Variants in AUTS2 observed in about 807,000 individuals in gnomAD.
The protein encoded by AUTS2 is autism susceptibility gene 2 protein.
AUTS2 carries 17 observed loss-of-function variants against 112.4 expected under a neutral mutation model. That is an observed-to-expected ratio of 0.15 (90% CI 0.10 to 0.23). The LOEUF (loss-of-function observed/expected upper bound fraction) is 0.23. Among genes scored for constraint, AUTS2 ranks in the 10% least tolerant of loss-of-function variants. The pLI is 1.00. For synonymous variants in AUTS2, 751 were observed against 702.7 expected (o/e 1.07, Z -1.09); for missense variants, 1,510 against 1,701.6 (o/e 0.89, Z 1.98).
chr7:70,183,532 TG>T (rs1223585177), intron 4 of AUTS2, among the ~76,000 whole-genome samples: 5 of 152,192 alleles, frequency 3.3e-5, no homozygotes, highest in Non-Finnish European at 7.3e-5. Flanking sequence ...GGCAGTAACT[TG>T]TGCAATCAAA....
intron 2 of AUTS2, among the ~76,000 whole-genome samples, chr7:70,108,783 C>CAAAAAAAAAAAAAAAAAAAAAAAAAA (rs528009205): frequency 1.4e-5 from 1 of 69,184 alleles, no homozygotes; most frequent in African/African-American, 5.4e-5. Flanking sequence ...GCCAACATGG[C>CAAAAAAAAAAAAAAAAAAAAAAAAAA]AAAAAAAAAA....
chr7:69,701,391 C>A (rs748853001), intron 1 of AUTS2, among the ~76,000 whole-genome samples: 31 of 152,138 alleles, frequency 2.0e-4, no homozygotes, highest in Non-Finnish European at 5.9e-5. Flanking sequence ...TTCATTCAGC[C>A]AGTATTTGAG....
At chr7:70,513,604 G>C (rs750582006) in intron 5 of AUTS2, among the ~76,000 whole-genome samples, 2 of 151,634 alleles carry the variant, frequency 1.3e-5, no homozygotes, top group African/African-American at 2.4e-5. Context: ...TATTAGTCCA[G>C]ACCTAACCCC....
chr7:70,319,961 T>A (rs1325541836), intron 4 of AUTS2, among the ~76,000 whole-genome samples: 2 of 152,202 alleles, frequency 1.3e-5, no homozygotes, highest in African/African-American at 2.4e-5. Context: ...GATCAAATTG[T>A]CCTAAACTTG....
intron 4 of AUTS2, among the ~76,000 whole-genome samples, chr7:70,184,916 C>T (rs1223923053): frequency 6.6e-6 from 1 of 152,104 alleles, no homozygotes; most frequent in Non-Finnish European, 1.5e-5. Context: ...TTAATCTGTA[C>T]TTACAGCATA....
At chr7:69,783,357 A>G (rs1163811182) in intron 1 of AUTS2, among the ~76,000 whole-genome samples, 3 of 152,068 alleles carry the variant, frequency 2.0e-5, no homozygotes, top group African/African-American at 7.2e-5. Flanking sequence ...TGGTCCTTGT[A>G]ACCACATAGT....
At chr7:69,677,664 T>C (rs1043433223) in intron 1 of AUTS2, among the ~76,000 whole-genome samples, 3 of 152,240 alleles carry the variant, frequency 2.0e-5, no homozygotes, top group Admixed American at 2.0e-4. Flanking sequence ...TTGGTGTTTT[T>C]CAGATATTCT....
At chr7:69,763,717 T>C (rs1050160219) in intron 1 of AUTS2, among the ~76,000 whole-genome samples, 4 of 152,210 alleles carry the variant, frequency 2.6e-5, no homozygotes, top group African/African-American at 9.6e-5. Flanking sequence ...AGGGTGTTAG[T>C]GATATGAGTT....
In AUTS2 at chr7:70,763,266, C is replaced by T. The variant is rs1368827637; in HGVS notation, c.1139C>T (p.Ala380Val). The T allele has an allele frequency of 1.2e-6, 2 of 1,613,110 alleles. No homozygotes were observed. The change falls in exon 7 of 19, where the codon GCC becomes GTC. Residue 380 changes from alanine (A) to valine (V), a missense_variant. Transcript: ENST00000342771. ...CATCAGAACCTCCCACCTGTGCAGGCCCACCCCTCTGCTCAGAGCCTCTCC... is the reference window on the plus strand; with the variant it reads ...CATCAGAACCTCCCACCTGTGCAGGTCCACCCCTCTGCTCAGAGCCTCTCC... ...LLHQNLPPVQ[A>V]HPSAQSLSQP... is the part of the protein sequence containing the mutation.
chr7:70,223,528 GCATATA>G (rs1489633564), intron 4 of AUTS2, among the ~76,000 whole-genome samples: 1 of 152,186 alleles, frequency 6.6e-6, no homozygotes, highest in Non-Finnish European at 1.5e-5. Flanking sequence ...TAAAAGTACA[GCATATA>G]CAGTTATATA....
chr7:69,810,244 A>G (rs1047801018), intron 1 of AUTS2, among the ~76,000 whole-genome samples: 4 of 152,122 alleles, frequency 2.6e-5, no homozygotes, highest in African/African-American at 9.7e-5. Context: ...TCAAAACCCA[A>G]CTCTATGACT....
intron 4 of AUTS2, among the ~76,000 whole-genome samples, chr7:70,377,204 G>A (rs1793127276): frequency 6.7e-6 from 1 of 149,892 alleles, no homozygotes; most frequent in Admixed American, 6.7e-5. Context: ...TATTTTTATA[G>A]GACTTTTTTA....
chr7:69,926,755 C>A, intron 2 of AUTS2, among the ~76,000 whole-genome samples: 1 of 144,704 alleles, frequency 6.9e-6, no homozygotes, highest in Non-Finnish European at 1.5e-5. Context: ...TAGGGAAATA[C>A]TATATATACA....
At chr7:70,085,493 G>A (rs1175763360) in intron 2 of AUTS2, among the ~76,000 whole-genome samples, 1 of 151,908 alleles carries the variant, frequency 6.6e-6, no homozygotes, top group East Asian at 1.9e-4. Flanking sequence ...AGCCTCCTGA[G>A]TAGCTGGAAT....
intron 4 of AUTS2, among the ~76,000 whole-genome samples, chr7:70,223,363 A>T (rs908084285): frequency 3.3e-5 from 5 of 152,200 alleles, no homozygotes; most frequent in African/African-American, 1.2e-4. Context: ...TCCATCAATG[A>T]CTGCATATGC....
At chr7:69,957,439 C>T (rs1357913474) in intron 2 of AUTS2, among the ~76,000 whole-genome samples, 4 of 151,600 alleles carry the variant, frequency 2.6e-5, no homozygotes, top group African/African-American at 4.8e-5. Flanking sequence ...GGATGTTGTA[C>T]CCTGAGATAT....
chr7:70,669,816 C>G (rs1445778942), intron 5 of AUTS2, among the ~76,000 whole-genome samples: 1 of 152,134 alleles, frequency 6.6e-6, no homozygotes, highest in Non-Finnish European at 1.5e-5. Context: ...AGCATTGTAC[C>G]AGGCAGAAAA....
chr7:70,006,926 T>G (rs1050279801), intron 2 of AUTS2, among the ~76,000 whole-genome samples: 4 of 152,198 alleles, frequency 2.6e-5, no homozygotes, highest in Non-Finnish European at 5.9e-5. Flanking sequence ...AGATTTCTGA[T>G]CAAGATTTCT....
At chr7:70,762,395 C>A (rs1393552766) in intron 6 of AUTS2, among the ~76,000 whole-genome samples, 2 of 151,822 alleles carry the variant, frequency 1.3e-5, no homozygotes, top group Non-Finnish European at 2.9e-5. Flanking sequence ...CCTCAGCCTC[C>A]CGAGTAGCTT....
Sources: allele counts gnomAD v4.1 joint callset (sites outside exome capture counted in the v4.1 genomes callset), GRCh38; gene constraint gnomAD v4.1.1; transcripts MANE v1.5; gene names NCBI Gene and HGNC (gene_info 2026-07-23, HGNC 2026-07-21).